The following CNTN3 variants were observed in gnomAD, a reference collection of about 807,000 sequenced individuals.
CNTN3 encodes contactin 3.
CNTN3 carries 60 observed loss-of-function variants against 119.1 expected under a neutral mutation model. That is an observed-to-expected ratio of 0.50 (90% CI 0.41 to 0.62). The LOEUF (loss-of-function observed/expected upper bound fraction) is 0.62, where lower values mean the gene tolerates loss of function less well. Ranked by LOEUF, CNTN3 falls within the 20% of genes least tolerant of loss-of-function variation. The probability of loss-of-function intolerance (pLI) is 0.00; values close to 1 mark genes in which losing one functional copy is unlikely to be tolerated. For missense variants in CNTN3, 1,101 were observed against 1,242.4 expected (o/e 0.89, Z 1.71); for synonymous variants, 450 against 438.7 (o/e 1.03, Z -0.32).
At chr3:74,547,253 G>A (rs948116721) in intron 1 of CNTN3, among the ~76,000 whole-genome samples, 25 of 152,236 alleles carry the variant, frequency 1.6e-4, no homozygotes, top group African/African-American at 5.5e-4. Flanking sequence ...AACACCTGAT[G>A]AAAATTTCTC....
chr3:74,611,572 T>C (rs558287999), intron 1 of CNTN3, among the ~76,000 whole-genome samples: 1 of 152,302 alleles, frequency 6.6e-6, no homozygotes, highest in South Asian at 2.1e-4. Flanking sequence ...GAATGAGATC[T>C]GTCACCCCTC....
intron 13 of CNTN3, among the ~76,000 whole-genome samples, chr3:74,316,154 C>G (rs1359844343): frequency 6.6e-6 from 1 of 152,040 alleles, no homozygotes; most frequent in Non-Finnish European, 1.5e-5. Flanking sequence ...AAAAACATAA[C>G]CCTGATAGGA....
rs765617781 is a variant in CNTN3, at chr3:74,499,784, A to G, written c.57T>C (p.Gly19=). 1.2e-6 allele frequency: 2 copies of G among 1,600,744 alleles called. No homozygotes were observed. Among genetic ancestry groups the G allele is most frequent in the South Asian group, 2.3e-5 (2 of 88,298 alleles). The change falls in exon 3 of 23, where the codon GGT becomes GGC. Residue 19 remains glycine, a splice_region_variant and synonymous_variant. Coordinates refer to ENST00000263665, the MANE Select transcript of CNTN3 (RefSeq NM_020872.3). ...ILLSFIGCLG[G]ELLLQGPVFI... is the part of the protein sequence containing the mutation. ...ATACAGGGCCTTGTAAGAGAAGCTCACCTATATGGGTGGGAGACATCCAAA... is the reference window on the plus strand; with the variant it reads ...ATACAGGGCCTTGTAAGAGAAGCTCGCCTATATGGGTGGGAGACATCCAAA...
intron 17 of CNTN3, among the ~76,000 whole-genome samples, chr3:74,298,617 C>T (rs1049895593): frequency 7.0e-5 from 9 of 128,212 alleles, no homozygotes; most frequent in African/African-American, 2.6e-4. Context: ...AAAAAAAAGG[C>T]CTGGTACGGT....
At chr3:74,310,766 G>A (rs1174352113) in intron 13 of CNTN3, among the ~76,000 whole-genome samples, 1 of 152,164 alleles carries the variant, frequency 6.6e-6, no homozygotes, top group Non-Finnish European at 1.5e-5. Flanking sequence ...ACTTGGTAGG[G>A]AGCAGTGTTA....
chr3:74,350,392 A>C (rs1379839422), intron 11 of CNTN3, among the ~76,000 whole-genome samples: 1 of 152,220 alleles, frequency 6.6e-6, no homozygotes, highest in African/African-American at 2.4e-5. Flanking sequence ...CACACCAGTC[A>C]GAATGGCTAT....
At chr3:74,364,425 A>G in intron 10 of CNTN3, 42 bp downstream of exon 10, 1 of 1,584,712 alleles carries the variant, frequency 6.3e-7, no homozygotes, top group South Asian at 1.1e-5. Context: ...TGAAGGATTT[A>G]AGACAAAAAA....
At chr3:74,401,678 T>C (rs894137883) in intron 5 of CNTN3, among the ~76,000 whole-genome samples, 4 of 152,176 alleles carry the variant, frequency 2.6e-5, no homozygotes, top group African/African-American at 9.6e-5. Context: ...GCATAATTAT[T>C]AAGCAACATA....
chr3:74,577,493 T>C (rs1307775683), intron 1 of CNTN3, among the ~76,000 whole-genome samples: 3 of 152,012 alleles, frequency 2.0e-5, no homozygotes. Context: ...ATAGCATAGT[T>C]CTCTCTCATT....
At position 74,330,587 on chromosome 3, in the gene CNTN3, C is replaced by A. The variant is rs532839406; in HGVS notation, c.1668+4148G>T. 2.6e-5 allele frequency among the ~76,000 whole-genome samples: 4 copies of A among 152,210 alleles called. 1 individual carries two copies. Among genetic ancestry groups the A allele is most frequent in the African/African-American group, 9.6e-5 (4 of 41,526 alleles). On this transcript the variant is annotated intron_variant, in intron 13 of 22. Transcript: ENST00000263665. The stretch of plus-strand genomic sequence containing the variant: ...TTTACTATACCATACTTTATATTGT[C>A]ATTTTATAGTGTACTTCTTCTACAA...
At chr3:74,449,865 C>A (rs1377452664) in intron 4 of CNTN3, among the ~76,000 whole-genome samples, 1 of 152,088 alleles carries the variant, frequency 6.6e-6, no homozygotes, top group South Asian at 2.1e-4. Context: ...ATTGTGGGAA[C>A]CTTAGCATGA....
chr3:74,327,880 T>C (rs963286010), intron 13 of CNTN3, among the ~76,000 whole-genome samples: 1 of 151,818 alleles, frequency 6.6e-6, no homozygotes, highest in Admixed American at 6.6e-5. Flanking sequence ...ATGGAATCTT[T>C]TGTGTTTTTA....
At chr3:74,269,959 A>T (rs1701738663) in intron 20 of CNTN3, among the ~76,000 whole-genome samples, 2 of 152,198 alleles carry the variant, frequency 1.3e-5, no homozygotes, top group South Asian at 4.1e-4. Flanking sequence ...AAAAGACTTA[A>T]CACTACAGAA....
intron 8 of CNTN3, among the ~76,000 whole-genome samples, chr3:74,366,629 T>G (rs1294122569): frequency 6.6e-6 from 1 of 151,662 alleles, no homozygotes; most frequent in Non-Finnish European, 1.5e-5. Flanking sequence ...ACTGCAACCA[T>G]GGGAAGATTT....
intron 2 of CNTN3, among the ~76,000 whole-genome samples, chr3:74,508,989 C>T (rs1174816924): frequency 6.6e-6 from 1 of 152,142 alleles, no homozygotes; most frequent in Non-Finnish European, 1.5e-5. Flanking sequence ...CAAGAGAGCC[C>T]TCCTCAAATC....
At chr3:74,550,836 C>T (rs371134028) in intron 1 of CNTN3, among the ~76,000 whole-genome samples, 5 of 152,174 alleles carry the variant, frequency 3.3e-5, no homozygotes, top group African/African-American at 1.2e-4. Context: ...GCCACTGTAC[C>T]GGCCAGCAGC....
chr3:74,480,705 C>T (rs548805827), intron 4 of CNTN3, among the ~76,000 whole-genome samples: 5 of 151,796 alleles, frequency 3.3e-5, no homozygotes, highest in Non-Finnish European at 5.9e-5. Flanking sequence ...AGAAGATAAA[C>T]GAAACATTAG....
intron 4 of CNTN3, among the ~76,000 whole-genome samples, chr3:74,480,682 C>T (rs80340773): frequency 0.15 from 19,010 of 124,638 alleles, 1,208 homozygotes; most frequent in Non-Finnish European, 0.17. Context: ...CATGCTCACA[C>T]TATTTCTGAT....
chr3:74,452,585 T>C (rs2106952334), intron 4 of CNTN3, among the ~76,000 whole-genome samples: 1 of 122,948 alleles, frequency 8.1e-6, no homozygotes, highest in East Asian at 2.5e-4. Flanking sequence ...GGCATCCCTG[T>C]CTTCTGCCAG....
Sources: allele counts gnomAD v4.1 joint callset (sites outside exome capture counted in the v4.1 genomes callset), GRCh38; gene constraint gnomAD v4.1.1; transcripts MANE v1.5; gene names NCBI Gene and HGNC (gene_info 2026-07-23, HGNC 2026-07-21).